Variants in SHANK2 observed in about 807,000 individuals in gnomAD.
SHANK2 encodes SH3 and multiple ankyrin repeat domains 2.
A neutral mutation model predicts 133.7 loss-of-function variants in SHANK2; 43 were observed. That is an observed-to-expected ratio of 0.32 (90% confidence interval 0.25 to 0.41). SHANK2 has a LOEUF of 0.41. SHANK2 is among the 10% of genes least tolerant of loss of function. SHANK2 has a pLI of 1.00. For missense variants in SHANK2, 1,994 were observed against 2,235.8 expected (o/e 0.89, Z 2.18); for synonymous variants, 1,017 against 952.8 (o/e 1.07, Z -1.24).
intron 14 of SHANK2, among the ~76,000 whole-genome samples, chr11:70,715,084 C>T (rs2134612654): frequency 6.6e-6 from 1 of 152,226 alleles, no homozygotes; most frequent in Admixed American, 6.5e-5. Flanking sequence ...GGATTACAGG[C>T]ATGAGGCACC....
At position 70,473,575 on chromosome 11, in the gene SHANK2, A is replaced by AC; in HGVS notation, c.4980-137dup. 1 of 811,692 alleles carries AC rather than the reference A, an allele frequency of 1.2e-6. No homozygotes were observed. Among genetic ancestry groups the AC allele is most frequent in the Non-Finnish European group, 2.0e-6 (1 of 495,050 alleles). The allele number at this position is 811,692 out of a possible 1,614,324, so 50.3% of individuals were successfully genotyped here. ...CTAGTGGCAGATCCACTGGCAGTGA[A>AC]CGAATGATTTGCCATGCCAGGGTGG... On this transcript the variant is annotated intron_variant, in intron 25 of 25. Transcript: ENST00000601538. The surrounding 1 kb of genome is among the most constrained non-coding windows in gnomAD (Gnocchi z 5.9).
At chr11:70,777,379 C>T (rs575758186) in intron 14 of SHANK2, among the ~76,000 whole-genome samples, 11 of 151,830 alleles carry the variant, frequency 7.2e-5, no homozygotes, top group African/African-American at 2.7e-4. Flanking sequence ...ACCCATCCAC[C>T]CACCCATGTA....
chr11:70,764,935 G>C (rs797040635), intron 14 of SHANK2, among the ~76,000 whole-genome samples: 6 of 152,362 alleles, frequency 3.9e-5, no homozygotes, highest in African/African-American at 1.4e-4. Flanking sequence ...ATCAGAGAGG[G>C]TGTTACATAT....
At chr11:70,543,304 C>G (rs561477560) in intron 17 of SHANK2, among the ~76,000 whole-genome samples, 1 of 152,248 alleles carries the variant, frequency 6.6e-6, no homozygotes, top group African/African-American at 2.4e-5. Context: ...AGTGAGATGA[C>G]TGGTGGCTGG....
intron 2 of SHANK2, among the ~76,000 whole-genome samples, chr11:71,182,696 A>G (rs1953583415): frequency 6.6e-6 from 1 of 152,172 alleles, no homozygotes; most frequent in African/African-American, 2.4e-5. Flanking sequence ...CTATTTCCAA[A>G]GAAGGTCTCA....
intron 17 of SHANK2, among the ~76,000 whole-genome samples, chr11:70,518,346 C>T (rs1409025273): frequency 1.3e-5 from 2 of 152,212 alleles, no homozygotes; most frequent in African/African-American, 4.8e-5. Context: ...GCCTGAGCAA[C>T]AGAGAACCTG....
At chr11:70,664,283 A>G (rs529843641) in intron 15 of SHANK2, among the ~76,000 whole-genome samples, 42 of 152,270 alleles carry the variant, frequency 2.8e-4, no homozygotes, top group Non-Finnish European at 6.0e-4. Context: ...AAGGGGAGTC[A>G]GCCCACCCCG....
intron 14 of SHANK2, among the ~76,000 whole-genome samples, chr11:70,706,973 A>G (rs1287013058): frequency 6.6e-6 from 1 of 152,140 alleles, no homozygotes; most frequent in Non-Finnish European, 1.5e-5. Flanking sequence ...TGTTTCTGGA[A>G]AAGGAAATAA....
chr11:71,142,511 A>T (rs1423153948), intron 3 of SHANK2, among the ~76,000 whole-genome samples: 5 of 152,136 alleles, frequency 3.3e-5, no homozygotes, highest in African/African-American at 1.2e-4. Flanking sequence ...AATAAAAACA[A>T]ACAAACAAAC....
intron 2 of SHANK2, among the ~76,000 whole-genome samples, chr11:71,172,607 AAAAAAG>A (rs1233560620): frequency 1.1e-4 from 17 of 151,220 alleles, no homozygotes; most frequent in South Asian, 4.2e-4. Flanking sequence ...CAAAAAAAAA[AAAAAAG>A]AAAAAAAGAA....
At chr11:71,101,076 T>G (rs973544464) in intron 6 of SHANK2, among the ~76,000 whole-genome samples, 29 of 152,298 alleles carry the variant, frequency 1.9e-4, no homozygotes, top group African/African-American at 6.7e-4. Flanking sequence ...ATGTAAACTA[T>G]GGACTTCAGT....
chr11:71,129,093 T>C (rs1555103243), intron 3 of SHANK2, among the ~76,000 whole-genome samples: 1 of 152,234 alleles, frequency 6.6e-6, no homozygotes, highest in East Asian at 1.9e-4. Context: ...ATTTCTGTCT[T>C]TTTCTTTGCA....
chr11:70,799,507 G>A (rs1312020582), intron 13 of SHANK2, among the ~76,000 whole-genome samples: 2 of 152,222 alleles, frequency 1.3e-5, no homozygotes, highest in East Asian at 3.8e-4. Flanking sequence ...TAAAATGGAA[G>A]AAACTGCACT....
intron 14 of SHANK2, among the ~76,000 whole-genome samples, chr11:70,707,190 G>A (rs901489816): frequency 1.3e-5 from 2 of 151,834 alleles, no homozygotes; most frequent in African/African-American, 2.4e-5. Flanking sequence ...TGGTCAACAC[G>A]GCAAAAACCC....
At chr11:70,907,978 G>A (rs909990444) in intron 10 of SHANK2, 5 of 442,888 alleles carry the variant, frequency 1.1e-5, no homozygotes, top group Admixed American at 2.4e-5. Flanking sequence ...GCACGAACCT[G>A]TAATCCCAGC....
intron 17 of SHANK2, among the ~76,000 whole-genome samples, chr11:70,598,817 A>G (rs1003409177): frequency 2.0e-5 from 3 of 152,240 alleles, no homozygotes; most frequent in East Asian, 3.9e-4. Context: ...AATTTTTGCA[A>G]GTGATACAAA....
intron 10 of SHANK2, among the ~76,000 whole-genome samples, chr11:70,939,157 G>A (rs949729560): frequency 4.6e-5 from 7 of 152,132 alleles, no homozygotes; most frequent in Admixed American, 1.3e-4. Flanking sequence ...CTTTCCCTCC[G>A]GGGCTTTGGG....
At chr11:71,198,836 T>C (rs931047726) in intron 2 of SHANK2, among the ~76,000 whole-genome samples, 36 of 152,334 alleles carry the variant, frequency 2.4e-4, no homozygotes, top group African/African-American at 5.1e-4. Flanking sequence ...TTCTGGATCC[T>C]GCACTGGTGG....
chr11:70,655,734 G>A (rs1434891533), intron 17 of SHANK2, among the ~76,000 whole-genome samples: 1 of 152,218 alleles, frequency 6.6e-6, no homozygotes, highest in African/African-American at 2.4e-5. Flanking sequence ...CTTAAGACTA[G>A]GAGATTAACG....
Sources: allele counts gnomAD v4.1 joint callset (sites outside exome capture counted in the v4.1 genomes callset), GRCh38; gene constraint gnomAD v4.1.1; non-coding constraint Gnocchi (gnomAD v3.1); transcripts MANE v1.5; gene names NCBI Gene and HGNC (gene_info 2026-07-23, HGNC 2026-07-21).